Variants in HNF4G observed in about 807,000 individuals in gnomAD.
The protein encoded by HNF4G is hepatocyte nuclear factor 4 gamma, also known as hepatocyte nuclear factor 4-gamma.
A neutral mutation model predicts 50.9 loss-of-function variants in HNF4G; 21 were observed. The observed-to-expected ratio is 0.41, with a 90% confidence interval of 0.29 to 0.59. The LOEUF is 0.59. Ranked by LOEUF, HNF4G falls within the 20% of genes least tolerant of loss-of-function variation. The pLI is 0.26. For synonymous variants in HNF4G, 198 were observed against 185.6 expected (o/e 1.07, Z -0.54); for missense variants, 527 against 559.4 (o/e 0.94, Z 0.58).
chr8:75,538,067 C>T (rs188796676), upstream of HNF4G, among the ~76,000 whole-genome samples: 336 of 152,242 alleles, frequency 2.2e-3, 2 homozygotes, highest in Non-Finnish European at 3.6e-3. Context: ...ATCTGAATAT[C>T]ATTACAAAGA....
chr8:75,550,604 C>A (rs1391369043), intron 3 of HNF4G, among the ~76,000 whole-genome samples: 1 of 152,034 alleles, frequency 6.6e-6, no homozygotes, highest in African/African-American at 2.4e-5. Context: ...ATTTTATTCT[C>A]TCTCTGGTAA....
intron 1 of HNF4G, among the ~76,000 whole-genome samples, chr8:75,466,430 A>G (rs1811973732): frequency 6.6e-6 from 1 of 151,592 alleles, no homozygotes; most frequent in Non-Finnish European, 1.5e-5. Context: ...CATTTTTTTC[A>G]GTGAAAATCC....
intron 1 of HNF4G, among the ~76,000 whole-genome samples, chr8:75,457,954 A>G (rs1355470040): frequency 6.6e-6 from 1 of 152,020 alleles, no homozygotes; most frequent in Non-Finnish European, 1.5e-5. Context: ...GGAAAATGTA[A>G]TGAGTTATTC....
intron 2 of HNF4G, chr8:75,495,612 A>G (rs1234889147): frequency 6.9e-6 from 1 of 145,376 alleles, no homozygotes; most frequent in Non-Finnish European, 1.5e-5. Context: ...ATCTTGGTTC[A>G]CTGCAGCCTC....
At chr8:75,495,538 T>TG (rs1812746003) in intron 2 of HNF4G, 1 of 149,736 alleles carries the variant, frequency 6.7e-6, no homozygotes, top group Non-Finnish European at 1.5e-5. Context: ...ACTTCTAATT[T>TG]TTTTTTTTTT....
intron 1 of HNF4G, among the ~76,000 whole-genome samples, chr8:75,455,047 ACAT>A (rs1811686918): frequency 6.6e-6 from 1 of 152,180 alleles, no homozygotes; most frequent in Admixed American, 6.5e-5. Context: ...CATTGTCCTC[ACAT>A]CATCCCTTTT....
chr8:75,468,550 C>T (rs113677269), intron 1 of HNF4G, among the ~76,000 whole-genome samples: 2,351 of 151,900 alleles, frequency 0.015, 64 homozygotes, highest in African/African-American at 0.054. Context: ...AAAAATTAGC[C>T]GAGTGTGGTG....
At chr8:75,509,290 A>T (rs1264761477) in intron 2 of HNF4G, among the ~76,000 whole-genome samples, 1 of 152,172 alleles carries the variant, frequency 6.6e-6, no homozygotes. Flanking sequence ...AACATGACAA[A>T]GAAGTAGAAG....
At chr8:75,522,652 T>G (rs1806076266) in intron 2 of HNF4G, among the ~76,000 whole-genome samples, 1 of 152,180 alleles carries the variant, frequency 6.6e-6, no homozygotes. Context: ...CAGTAGCATC[T>G]TTCTCCCTCA....
intron 2 of HNF4G, 55 bp downstream of exon 2, chr8:75,544,034 C>A (rs569476707): frequency 2.1e-6 from 3 of 1,445,798 alleles, no homozygotes; most frequent in South Asian, 2.8e-5. Flanking sequence ...CAGTTTGGCA[C>A]GCAAAAAGTA....
In HNF4G at chr8:75,564,449, C is replaced by A. The variant is rs184799012; in HGVS notation, c.*353C>A. 602 of 158,320 alleles carry A rather than the reference C, an allele frequency of 3.8e-3. 1 individual carries two copies. Among genetic ancestry groups the A allele is most frequent in the Non-Finnish European group, 6.9e-3 (501 of 72,128 alleles). 9.8% of individuals were successfully genotyped at this position (158,320 alleles called of 1,614,324 possible). On this transcript the variant is annotated 3_prime_UTR_variant, in exon 10 of 10. Coordinates refer to ENST00000396423, the MANE Select transcript of HNF4G (RefSeq NM_004133.5). Reference sequence around the variant, plus strand: ...TGCTTTATTGTGATGTGATACAGAACAAAGTGTTCGTTTTTGACTGAAAAT... The same window carrying A: ...TGCTTTATTGTGATGTGATACAGAAAAAAGTGTTCGTTTTTGACTGAAAAT...
intron 1 of HNF4G, among the ~76,000 whole-genome samples, chr8:75,424,668 C>T (rs1007119618): frequency 2.6e-5 from 4 of 152,142 alleles, no homozygotes; most frequent in African/African-American, 9.7e-5. Context: ...TGTTAATTTG[C>T]ATAGGATAAT....
intron 1 of HNF4G, among the ~76,000 whole-genome samples, chr8:75,489,507 A>G (rs921762425): frequency 1.3e-5 from 2 of 152,174 alleles, no homozygotes; most frequent in African/African-American, 4.8e-5. Context: ...GCTCAGATGG[A>G]GTGTTTTCCT....
intron 1 of HNF4G, among the ~76,000 whole-genome samples, chr8:75,427,804 T>A (rs1454737329): frequency 6.6e-6 from 1 of 152,106 alleles, no homozygotes; most frequent in Non-Finnish European, 1.5e-5. Context: ...TATAAATGTA[T>A]ATATATGTTA....
chr8:75,488,361 C>T (rs1346219377), intron 1 of HNF4G, among the ~76,000 whole-genome samples: 3 of 152,080 alleles, frequency 2.0e-5, no homozygotes, highest in South Asian at 2.1e-4. Context: ...GCAACCTTTG[C>T]CTCCCAGGAT....
At chr8:75,500,842 A>G (rs1812908097) in intron 2 of HNF4G, among the ~76,000 whole-genome samples, 1 of 152,090 alleles carries the variant, frequency 6.6e-6, no homozygotes, top group African/African-American at 2.4e-5. Flanking sequence ...ATTGATTAGT[A>G]TTTTTCAGAG....
At chr8:75,409,890 TC>T (rs1810460201) in intron 1 of HNF4G, among the ~76,000 whole-genome samples, 1 of 152,138 alleles carries the variant, frequency 6.6e-6, no homozygotes, top group African/African-American at 2.4e-5. Context: ...AAGAGCCCCC[TC>T]CCCATTCCAC....
chr8:75,533,032 C>T (rs1004561340), intron 2 of HNF4G, among the ~76,000 whole-genome samples: 1 of 151,902 alleles, frequency 6.6e-6, no homozygotes, highest in African/African-American at 2.4e-5. Flanking sequence ...AGGGATTTTT[C>T]TCTATTTTTT....
chr8:75,555,512 G>A (rs556633464), intron 5 of HNF4G, among the ~76,000 whole-genome samples: 8 of 152,122 alleles, frequency 5.3e-5, no homozygotes, highest in African/African-American at 7.2e-5. Flanking sequence ...AGTTTATTAC[G>A]TGCAGGAGAT....
Sources: gnomAD v4.1 joint callset for allele counts (sites outside exome capture counted in the v4.1 genomes callset) on GRCh38, gnomAD v4.1.1 for gene constraint, MANE v1.5 for transcripts, NCBI Gene and HGNC (gene_info 2026-07-23, HGNC 2026-07-21) for gene names.